Variants in PRKCH observed in about 807,000 individuals in gnomAD.
The protein encoded by PRKCH is protein kinase C eta type.
Under a neutral mutation model 82.5 loss-of-function variants are expected in PRKCH, and 28 were observed. That is an observed-to-expected ratio of 0.34 (90% CI 0.25 to 0.47). PRKCH has a LOEUF of 0.47. Among genes scored for constraint, PRKCH ranks in the 20% least tolerant of loss-of-function variants. The pLI is 1.00. For missense variants in PRKCH, 705 were observed against 881.8 expected (o/e 0.80, Z 2.54); for synonymous variants, 322 against 327.4 (o/e 0.98, Z 0.18).
chr14:61,451,094 A>G (rs886143150), intron 6 of PRKCH, 123 bp downstream of exon 6: 1 of 1,247,050 alleles, frequency 8.0e-7, no homozygotes, highest in Non-Finnish European at 1.1e-6. Flanking sequence ...GTAAATCAAC[A>G]TCTTAGTCAT....
At chr14:61,232,814 C>G (rs563600162) in intron 1 of PRKCH, among the ~76,000 whole-genome samples, 1 of 152,262 alleles carries the variant, frequency 6.6e-6, no homozygotes, top group South Asian at 2.1e-4. Flanking sequence ...GGCTGAAAGT[C>G]CCAACCCTCT....
chr14:61,539,087 G>A (rs1450620968), intron 12 of PRKCH, among the ~76,000 whole-genome samples: 1 of 152,200 alleles, frequency 6.6e-6, no homozygotes, highest in Non-Finnish European at 1.5e-5. Context: ...AGCTGCTTGA[G>A]ACTGGTTTGT....
In PRKCH at chr14:61,196,620, A is replaced by G. The variant is rs563460425; in HGVS notation, c.-19+8952A>G. On this transcript the variant is annotated intron_variant, in intron 1 of 3. Transcript: ENST00000555185. ...TGCTGCTAAATGACTTTTTGGCTGC[A>G]TAAATACAATATCTATACCAAAGAA... 3.3e-5 allele frequency among the ~76,000 whole-genome samples: 5 copies of G among 152,368 alleles called. No individual in the cohort carries two copies. In the South Asian group the frequency reaches 1.0e-3, roughly 32 times the overall value.
chr14:61,495,810 GA>G (rs1205681762), intron 10 of PRKCH, among the ~76,000 whole-genome samples: 1 of 152,132 alleles, frequency 6.6e-6, no homozygotes, highest in Non-Finnish European at 1.5e-5. Context: ...ACAAAATATA[GA>G]AAGAACACAA....
At chr14:61,195,883 T>A (rs915355786) in intron 1 of PRKCH, among the ~76,000 whole-genome samples, 1 of 152,168 alleles carries the variant, frequency 6.6e-6, no homozygotes, top group Non-Finnish European at 1.5e-5. Context: ...CCATATTTAA[T>A]CTTAATTACT....
intron 1 of PRKCH, among the ~76,000 whole-genome samples, chr14:61,350,957 G>A (rs554712040): frequency 6.6e-6 from 1 of 152,182 alleles, no homozygotes; most frequent in Non-Finnish European, 1.5e-5. Context: ...CTCAATCAAG[G>A]AAACAAGTAG....
intron 1 of PRKCH, among the ~76,000 whole-genome samples, chr14:61,368,682 A>G (rs4902049): frequency 0.37 from 56,001 of 151,990 alleles, 13,615 homozygotes; most frequent in African/African-American, 0.69. Flanking sequence ...GCTGGTTGGA[A>G]TGTGCTGTGA....
intron 10 of PRKCH, among the ~76,000 whole-genome samples, chr14:61,502,913 A>C (rs922816559): frequency 3.4e-5 from 5 of 148,574 alleles, no homozygotes; most frequent in Admixed American, 2.0e-4. Context: ...CATGGAATTC[A>C]CCCTTTCGAG....
At chr14:61,463,098 T>G (rs1885102029) in intron 9 of PRKCH, 1 of 152,216 alleles carries the variant, frequency 6.6e-6, no homozygotes, top group African/African-American at 2.4e-5. Context: ...TTAGCTTTGT[T>G]TTCCACCATC....
At chr14:61,301,599 T>C (rs866134833) in intron 1 of PRKCH, among the ~76,000 whole-genome samples, 2 of 152,232 alleles carry the variant, frequency 1.3e-5, no homozygotes, top group East Asian at 3.8e-4. Flanking sequence ...CCCAAAACTT[T>C]GGGAGGCTAA....
At chr14:61,356,418 A>G (rs1474322181) in intron 1 of PRKCH, among the ~76,000 whole-genome samples, 1 of 152,272 alleles carries the variant, frequency 6.6e-6, no homozygotes, top group African/African-American at 2.4e-5. Flanking sequence ...TCCTAGTATC[A>G]TTTTAAGAAC....
At chr14:61,346,979 T>C (rs2046001643) in intron 1 of PRKCH, among the ~76,000 whole-genome samples, 1 of 152,232 alleles carries the variant, frequency 6.6e-6, no homozygotes, top group South Asian at 2.1e-4. Flanking sequence ...TAGGAATGGC[T>C]TAGGAATTTT....
intron 1 of PRKCH, among the ~76,000 whole-genome samples, chr14:61,380,981 C>G (rs147738280): frequency 2.2e-4 from 33 of 152,252 alleles, no homozygotes; most frequent in African/African-American, 7.2e-4. Context: ...CCATGTGGGT[C>G]TGTTCAGCTG....
intron 1 of PRKCH, among the ~76,000 whole-genome samples, chr14:61,214,077 T>C (rs564564396): frequency 6.1e-4 from 93 of 152,282 alleles, no homozygotes; most frequent in Middle Eastern, 3.4e-3. Context: ...GTAGGTGCTG[T>C]GGGAGCTCAA....
At chr14:61,436,121 A>T (rs1883666171) in intron 2 of PRKCH, among the ~76,000 whole-genome samples, 1 of 152,206 alleles carries the variant, frequency 6.6e-6, no homozygotes. Flanking sequence ...GCCCTGTTGC[A>T]GATGCTCACA....
intron 1 of PRKCH, among the ~76,000 whole-genome samples, chr14:61,351,635 C>T (rs753445515): frequency 3.3e-5 from 5 of 152,084 alleles, no homozygotes; most frequent in Admixed American, 6.5e-5. Flanking sequence ...TTCTGGAGGA[C>T]GCATGTTGGG....
chr14:61,261,678 TA>T (rs1313659617), intron 1 of PRKCH, among the ~76,000 whole-genome samples: 1 of 152,074 alleles, frequency 6.6e-6, no homozygotes, highest in Admixed American at 6.6e-5. Context: ...CTTTTTTTTT[TA>T]ATTTATTTTT....
chr14:61,190,308 T>TA (rs2044398781), intron 1 of PRKCH, among the ~76,000 whole-genome samples: 1 of 152,200 alleles, frequency 6.6e-6, no homozygotes. Flanking sequence ...GATCTTAGGT[T>TA]AGTCAGGTCT....
chr14:61,345,631 C>T (rs1333861392), intron 1 of PRKCH, among the ~76,000 whole-genome samples: 1 of 152,228 alleles, frequency 6.6e-6, no homozygotes, highest in Non-Finnish European at 1.5e-5. Flanking sequence ...AATTAGGTGT[C>T]AGGCTAAGTA....
Sources: allele counts gnomAD v4.1 joint callset (sites outside exome capture counted in the v4.1 genomes callset), GRCh38; gene constraint gnomAD v4.1.1; transcripts MANE v1.5; gene names NCBI Gene and HGNC (gene_info 2026-07-23, HGNC 2026-07-21).